The following QRSL1 variants were observed in gnomAD, a reference collection of about 807,000 sequenced individuals.
QRSL1 encodes the protein glutamyl-tRNA(Gln) amidotransferase subunit A, mitochondrial.
QRSL1 carries 54 observed loss-of-function variants against 61.6 expected under a neutral mutation model. The observed-to-expected ratio is 0.88, with a 90% CI of 0.70 to 1.10. The LOEUF is 1.10. QRSL1 is among the 50% of genes least tolerant of loss of function. The pLI is 0.00. For synonymous variants in QRSL1, 228 were observed against 225.7 expected, an observed-to-expected ratio of 1.01 and a Z score of -0.09; for missense variants, 505 against 622.6, an observed-to-expected ratio of 0.81 and a Z score of 2.01.
intron 1 of QRSL1, among the ~76,000 whole-genome samples, chr6:106,636,283 C>T (rs183980361): frequency 2.3e-4 from 34 of 150,394 alleles, no homozygotes; most frequent in Non-Finnish European, 4.4e-5. Context: ...GTTTTGGAAA[C>T]AAGATGAGTC....
rs1039474667 is a variant in QRSL1 at position 106,655,573 on chromosome 6, T to C, written c.1043-42T>C. The stretch of plus-strand genomic sequence containing the variant: ...GATTTTAGCCAAAACTTTACTGACT[T>C]TACTTCCTTTCAAGTAATGTTTACC... On this transcript the variant is annotated intron_variant, in intron 8 of 10. Coordinates refer to ENST00000369046, the MANE Select transcript of QRSL1 (RefSeq NM_018292.5). The C allele has an allele frequency of 1.8e-5, 24 of 1,359,612 alleles. No individual in the cohort carries two copies. In the African/African-American group the frequency reaches 3.2e-4, roughly 18 times the overall value. The allele number at this position is 1,359,612 out of a possible 1,614,324, so 84.2% of individuals were successfully genotyped here.
At position 106,635,765 on chromosome 6, in the gene QRSL1, G is replaced by A. The variant is rs964138522; in HGVS notation, c.25-4584G>A. 1.5e-3 allele frequency among the ~76,000 whole-genome samples: 230 copies of A among 152,080 alleles called. 1 individual carries two copies. The highest frequency in any genetic ancestry group is 5.4e-3 in the African/African-American group (222 of 41,462). On this transcript the variant is annotated intron_variant, in intron 1 of 10. Coordinates refer to ENST00000369046, the MANE Select transcript of QRSL1 (RefSeq NM_018292.5). ...ACACGCCTGTAATCCCAGCTACTCA[G>A]GAGGCTGAGGCAGGAGAATCGCTTG...
intron 4 of QRSL1, among the ~76,000 whole-genome samples, chr6:106,646,050 C>G (rs1777101830): frequency 6.6e-6 from 1 of 152,176 alleles, no homozygotes; most frequent in African/African-American, 2.4e-5. Context: ...ACCAAAAGTA[C>G]TTTATACTTA....
Position 106,668,130 on chromosome 6 carries a change from T to C in QRSL1, c.*2128T>C, listed in dbSNP as rs1777470625. On this transcript the variant is annotated 3_prime_UTR_variant, in exon 11 of 11. Transcript: ENST00000369046. ...ATTCAATATTATATATTCAATGATATTATTCAGTATTCAATATTATTTCAA... is the reference window on the plus strand; with the variant it reads ...ATTCAATATTATATATTCAATGATACTATTCAGTATTCAATATTATTTCAA... 6.6e-6 allele frequency: 1 copy of C among 152,058 alleles called. No homozygotes were observed. Among genetic ancestry groups the C allele is most frequent in the East Asian group, 1.9e-4 (1 of 5,188 alleles). The allele number at this position is 152,058 out of a possible 1,614,324, so 9.4% of individuals were successfully genotyped here. A position where few individuals can be genotyped will look rare whatever the true frequency, so the allele number is the denominator to read the frequency against.
At position 106,629,703 on chromosome 6, in the gene QRSL1, G is replaced by A. The variant is rs376227484; in HGVS notation, c.22G>A (p.Glu8Lys). Residue 8 changes from glutamate to lysine, a missense_variant and splice_region_variant, in exon 1 of 11, where the codon GAA becomes AAA. By Grantham distance (56) the Glu-to-Lys change is moderately conservative (BLOSUM62 1). Transcript: ENST00000369046. ...GACCATGCTGGGCCGGAGCCTCCGA[G>A]AAGTGAGTGGAATTGGCCCGCTGAG... MLGRSLR[E>K]VSAALKQGQI... 1.2e-6 allele frequency: 2 copies of A among 1,606,164 alleles called. No individual in the cohort carries two copies. Among genetic ancestry groups the A allele is most frequent in the African/African-American group, 1.3e-5 (1 of 74,920 alleles).
rs761431931 is a variant in QRSL1, at chr6:106,665,910, C to T, written c.1495C>T (p.Gln499Ter). Residue 499 changes from glutamine to a stop codon, truncating the protein, a stop_gained, in exon 11 of 11, where the codon CAG becomes TAG. Transcript: ENST00000369046. LOFTEE classifies it high-confidence loss of function. ...TVAKWFEKQV[Q>*]FPVIQLQELM... ...AGCCAAATGGTTTGAAAAACAAGTA[C>T]AGTTTCCTGTTATTCAACTTCAAGA... is the stretch of plus-strand genomic sequence containing the variant. 5.6e-6 allele frequency: 9 copies of T among 1,613,932 alleles called. No individual in the cohort carries two copies. The South Asian group carries it at 8.8e-5, about 16-fold the overall frequency.
rs1351531146 is a variant in QRSL1, at chr6:106,666,736, A to C, written c.*734A>C. 6.6e-6 allele frequency: 1 copy of C among 152,326 alleles called. No homozygotes were observed. The highest frequency in any genetic ancestry group is 1.5e-5 in the Non-Finnish European group (1 of 68,138). The allele number at this position is 152,326 out of a possible 1,614,324, so 9.4% of individuals were successfully genotyped here. On this transcript the variant is annotated 3_prime_UTR_variant, in exon 11 of 11. Coordinates refer to ENST00000369046, the MANE Select transcript of QRSL1 (RefSeq NM_018292.5). ...GTGAAGGCCGCCTCAGGGGTTGTTA[A>C]AAATGCACAGAAACAATTGAGTGCG...
In QRSL1 at chr6:106,639,134, T is replaced by G. The variant is rs796414014; in HGVS notation, c.25-1215T>G. Reference sequence around the variant, plus strand: ...GTGTTTTGTTGTTTTTTTTTTTTTTTTTTTTTTTTTTTGACAGAGTCTGGC... The same window carrying G: ...GTGTTTTGTTGTTTTTTTTTTTTTTGTTTTTTTTTTTTGACAGAGTCTGGC... On this transcript the variant is annotated intron_variant, in intron 1 of 10. Coordinates refer to ENST00000369046, the MANE Select transcript of QRSL1 (RefSeq NM_018292.5). 6.2e-4 allele frequency among the ~76,000 whole-genome samples: 84 copies of G among 135,822 alleles called. 1 individual carries two copies. Among genetic ancestry groups the G allele is most frequent in the Middle Eastern group, 3.7e-3 (1 of 272 alleles). 89.1% of individuals were successfully genotyped at this position (135,822 alleles called of 152,430 possible). A position where few individuals can be genotyped will look rare whatever the true frequency, so the allele number is the denominator to read the frequency against.
intron 9 of QRSL1, among the ~76,000 whole-genome samples, chr6:106,662,228 A>G (rs776704612): frequency 1.3e-5 from 2 of 152,110 alleles, no homozygotes; most frequent in African/African-American, 2.4e-5. Flanking sequence ...ACCGCTGTCT[A>G]TCTTAGTAAC....
chr6:106,634,504 C>T (rs998367342), intron 1 of QRSL1, among the ~76,000 whole-genome samples: 4 of 152,228 alleles, frequency 2.6e-5, no homozygotes, highest in African/African-American at 9.6e-5. Context: ...CAATGGCTCA[C>T]GCCTTTAAAC....
intron 9 of QRSL1, among the ~76,000 whole-genome samples, chr6:106,656,586 A>G (rs1287721347): frequency 6.6e-6 from 1 of 152,200 alleles, no homozygotes; most frequent in Non-Finnish European, 1.5e-5. Context: ...AGCTTCTTGG[A>G]GTTTTTCTCC....
intron 3 of QRSL1, 62 bp downstream of exon 3, chr6:106,640,983 G>A: frequency 8.6e-7 from 1 of 1,158,378 alleles, no homozygotes; most frequent in South Asian, 1.4e-5. Flanking sequence ...TCGCTTTAAG[G>A]ATAATAAAGT....
intron 1 of QRSL1, among the ~76,000 whole-genome samples, chr6:106,631,228 AAAAT>A (rs1425873425): frequency 1.3e-5 from 2 of 152,236 alleles, no homozygotes; most frequent in Non-Finnish European, 2.9e-5. Flanking sequence ...TCCGTCTCAA[AAAAT>A]AAATAAATAA....
intron 5 of QRSL1, among the ~76,000 whole-genome samples, chr6:106,649,995 A>AT (rs1777168619): frequency 6.6e-6 from 1 of 152,126 alleles, no homozygotes; most frequent in African/African-American, 2.4e-5. Context: ...AATCATTTAT[A>AT]TTTTTTTAGA....
intron 7 of QRSL1, chr6:106,653,603 G>C (rs562441135): frequency 6.6e-6 from 1 of 151,986 alleles, no homozygotes; most frequent in African/African-American, 2.4e-5. Flanking sequence ...CAGGAGGATC[G>C]CTTGAGATCA....
chr6:106,635,042 A>G (rs1484967739), intron 1 of QRSL1, among the ~76,000 whole-genome samples: 1 of 151,868 alleles, frequency 6.6e-6, no homozygotes, highest in African/African-American at 2.4e-5. Context: ...TGCCTCCTAG[A>G]TATCCAAGTG....
At chr6:106,650,078 A>C (rs1276258528) in intron 5 of QRSL1, among the ~76,000 whole-genome samples, 1 of 152,008 alleles carries the variant, frequency 6.6e-6, no homozygotes, top group African/African-American at 2.4e-5. Context: ...AAACCATTTC[A>C]TTTTATCTCT....
At position 106,642,137 on chromosome 6, in the gene QRSL1, A is replaced by G. The variant is rs530244723; in HGVS notation, c.284-857A>G. Among the ~76,000 whole-genome samples, 4 of 152,210 alleles carry G rather than the reference A, an allele frequency of 2.6e-5. No individual in the cohort carries two copies. In the East Asian group the frequency reaches 7.7e-4, roughly 29 times the overall value. The stretch of plus-strand genomic sequence containing the variant: ...AGTGGTGCGATCTCGGGTCACTGCA[A>G]CTTCCACCTCCTGGGTTCAAGTGAT... On this transcript the variant is annotated intron_variant, in intron 3 of 10. Coordinates refer to ENST00000369046, the MANE Select transcript of QRSL1 (RefSeq NM_018292.5).
At chr6:106,642,345 C>G (rs1343895192) in intron 3 of QRSL1, 1 of 344,972 alleles carries the variant, frequency 2.9e-6, no homozygotes, top group Non-Finnish European at 5.5e-6. Flanking sequence ...CGTGAGCCAC[C>G]CCGCCCCGCC....
Sources: allele counts gnomAD v4.1 joint callset (sites outside exome capture counted in the v4.1 genomes callset), GRCh38; gene constraint gnomAD v4.1.1; transcripts MANE v1.5; gene names NCBI Gene and HGNC (gene_info 2026-07-23, HGNC 2026-07-21).